Variants in SLC8A1 observed in about 807,000 individuals in gnomAD.
The protein encoded by SLC8A1 is sodium/calcium exchanger 1.
A neutral mutation model predicts 68.3 loss-of-function variants in SLC8A1; 18 were observed. The observed-to-expected ratio is 0.26, with a 90% CI of 0.18 to 0.39. The LOEUF (loss-of-function observed/expected upper bound fraction) is 0.39. SLC8A1 is among the 10% of genes least tolerant of loss of function. The pLI is 1.00. For synonymous variants in SLC8A1, 475 were observed against 415.5 expected (o/e 1.14, Z -1.74); for missense variants, 985 against 1,156.7 (o/e 0.85, Z 2.15).
intron 2 of SLC8A1, among the ~76,000 whole-genome samples, chr2:40,370,749 T>C (rs1677766128): frequency 6.6e-6 from 1 of 152,098 alleles, no homozygotes; most frequent in Non-Finnish European, 1.5e-5. Context: ...TCCAGTATTT[T>C]ACAATTTACA....
At chr2:40,158,700 T>C (rs941605022) in intron 6 of SLC8A1, among the ~76,000 whole-genome samples, 6 of 152,150 alleles carry the variant, frequency 3.9e-5, no homozygotes, top group African/African-American at 1.4e-4. Context: ...GGGCAGTAGA[T>C]AGCACACTGG....
chr2:40,409,420 C>A (rs768083349), intron 2 of SLC8A1, among the ~76,000 whole-genome samples: 1 of 152,128 alleles, frequency 6.6e-6, no homozygotes, highest in Non-Finnish European at 1.5e-5. Flanking sequence ...TCCTACTTTA[C>A]AATTGTCCAG....
chr2:40,441,410 T>C lies in SLC8A1; in HGVS notation c.-25+10494A>G, dbSNP rs151104126. 1.6e-3 allele frequency among the ~76,000 whole-genome samples: 235 copies of C among 148,566 alleles called. 1 individual carries two copies. Among genetic ancestry groups the C allele is most frequent in the African/African-American group, 5.6e-3 (227 of 40,308 alleles). On this transcript the variant is annotated intron_variant, in intron 1 of 7. Coordinates refer to ENST00000406785, the Ensembl canonical transcript of SLC8A1. ...CATAGAATTAGAAAAAAAAAAAAAC[T>C]ACTTTAAGTTTCATATCGAACAAAA...
chr2:40,186,164 T>C (rs1380638757), intron 2 of SLC8A1, among the ~76,000 whole-genome samples: 1 of 152,202 alleles, frequency 6.6e-6, no homozygotes, highest in Non-Finnish European at 1.5e-5. Context: ...TGCATTGTGT[T>C]TACTATAAAA....
chr2:40,173,898 G>T (rs1257918165), intron 4 of SLC8A1, among the ~76,000 whole-genome samples: 1 of 152,282 alleles, frequency 6.6e-6, no homozygotes, highest in East Asian at 1.9e-4. Flanking sequence ...AAAAGGGTGA[G>T]AAGATATTTA....
chr2:40,212,314 C>G (rs1046599529), intron 2 of SLC8A1, among the ~76,000 whole-genome samples: 2 of 110,198 alleles, frequency 1.8e-5, no homozygotes, highest in Non-Finnish European at 3.7e-5. Flanking sequence ...TGAGACAAGT[C>G]TCGCTTTGTC....
chr2:40,495,482 G>A (rs1018339665), intron 1 of SLC8A1, among the ~76,000 whole-genome samples: 3 of 151,936 alleles, frequency 2.0e-5, no homozygotes, highest in Admixed American at 6.6e-5. Flanking sequence ...CATCAGATGA[G>A]AATGACTAGG....
At chr2:40,245,632 C>T (rs559467919) in intron 2 of SLC8A1, among the ~76,000 whole-genome samples, 9 of 152,120 alleles carry the variant, frequency 5.9e-5, no homozygotes, top group African/African-American at 1.4e-4. Flanking sequence ...CCAAACCAGA[C>T]GTCTTTGCAT....
In SLC8A1 at chr2:40,354,027, T is replaced by C. The variant is rs564119090; in HGVS notation, c.1808+74446A>G. ...ACATTATACACAAGTCATTTTATTC[T>C]TGTGCAGATGTTTTTATAGGAAAGA... is the stretch of plus-strand genomic sequence containing the variant. On this transcript the variant is annotated intron_variant, in intron 2 of 7. Coordinates refer to ENST00000406785, the Ensembl canonical transcript of SLC8A1. Among the ~76,000 whole-genome samples, 35 of 152,346 alleles carry C rather than the reference T, an allele frequency of 2.3e-4. 1 individual carries two copies. Among genetic ancestry groups the C allele is most frequent in the Middle Eastern group, 3.4e-3 (1 of 294 alleles).
intron 1 of SLC8A1, among the ~76,000 whole-genome samples, chr2:40,467,442 G>A (rs1162952827): frequency 6.6e-6 from 1 of 152,148 alleles, no homozygotes; most frequent in African/African-American, 2.4e-5. Flanking sequence ...AGTACAGATG[G>A]AGAGAGGACA....
intron 2 of SLC8A1, among the ~76,000 whole-genome samples, chr2:40,293,175 T>C (rs1214134477): frequency 6.6e-6 from 1 of 152,208 alleles, no homozygotes; most frequent in Admixed American, 6.5e-5. Context: ...ATTCAATGTC[T>C]ATTGACCTCG....
intron 2 of SLC8A1, among the ~76,000 whole-genome samples, chr2:40,361,388 G>C (rs1674575025): frequency 6.6e-6 from 1 of 151,976 alleles, no homozygotes; most frequent in South Asian, 2.1e-4. Context: ...GGGCACATGT[G>C]GGTCTATATA....
chr2:40,319,893 A>G (rs1559226314), intron 2 of SLC8A1, among the ~76,000 whole-genome samples: 1 of 152,134 alleles, frequency 6.6e-6, no homozygotes. Context: ...GAGCTTACCA[A>G]TGTCGTTATT....
At chr2:40,338,177 G>C (rs1248963655) in intron 2 of SLC8A1, among the ~76,000 whole-genome samples, 1 of 152,082 alleles carries the variant, frequency 6.6e-6, no homozygotes, top group Non-Finnish European at 1.5e-5. Context: ...TAATCGTAGT[G>C]GGGTAGCATC....
At chr2:40,292,312 C>A (rs964624943) in intron 2 of SLC8A1, among the ~76,000 whole-genome samples, 3 of 152,124 alleles carry the variant, frequency 2.0e-5, no homozygotes, top group Non-Finnish European at 4.4e-5. Flanking sequence ...GACTATTGAT[C>A]CATCCTGTCT....
At chr2:40,452,798 G>A (rs1377711376), upstream of SLC8A1, among the ~76,000 whole-genome samples, 1 of 151,274 alleles carries the variant, frequency 6.6e-6, no homozygotes, top group African/African-American at 2.4e-5. Flanking sequence ...AACTGGGACA[G>A]AGTCTCTGTG....
intron 2 of SLC8A1, among the ~76,000 whole-genome samples, chr2:40,304,377 G>A (rs2072156117): frequency 6.6e-6 from 1 of 152,110 alleles, no homozygotes; most frequent in African/African-American, 2.4e-5. Context: ...CAAATCCAAG[G>A]CATTTCTGGA....
chr2:40,338,767 T>A (rs1666800900), intron 2 of SLC8A1, among the ~76,000 whole-genome samples: 8 of 152,240 alleles, frequency 5.3e-5, no homozygotes, highest in African/African-American at 1.9e-4. Context: ...TTTTAGAAAT[T>A]TCCTAATAGA....
At chr2:40,192,256 T>C (rs2052018379) in intron 2 of SLC8A1, among the ~76,000 whole-genome samples, 1 of 152,072 alleles carries the variant, frequency 6.6e-6, no homozygotes, top group South Asian at 2.1e-4. Flanking sequence ...CAAAAATATA[T>C]ATGGGGCATT....
Sources: allele counts gnomAD v4.1 joint callset (sites outside exome capture counted in the v4.1 genomes callset), GRCh38; gene constraint gnomAD v4.1.1; transcripts MANE v1.5; gene names NCBI Gene and HGNC (gene_info 2026-07-23, HGNC 2026-07-21).